Variants in LRBA observed in about 807,000 individuals in gnomAD.
LRBA encodes the protein lipopolysaccharide-responsive and beige-like anchor protein.
In LRBA, 176 loss-of-function variants were observed where a neutral mutation model predicts 330.0. That is an observed-to-expected ratio of 0.53 (90% CI 0.47 to 0.60). The LOEUF (loss-of-function observed/expected upper bound fraction) is 0.60, where lower values mean the gene tolerates loss of function less well. LRBA is among the 20% of genes least tolerant of loss of function. The probability of loss-of-function intolerance (pLI) is 0.00; values close to 1 mark genes in which losing one functional copy is unlikely to be tolerated. For missense variants in LRBA, 3,259 were observed against 3,444.8 expected (o/e 0.95, Z 1.35); for synonymous variants, 1,230 against 1,193.0 (o/e 1.03, Z -0.64).
At chr4:150,489,550 AATACATAATATATATT>A (rs1758581860) in intron 41 of LRBA, among the ~76,000 whole-genome samples, 1 of 103,436 alleles carries the variant, frequency 9.7e-6, no homozygotes, top group South Asian at 2.8e-4. Flanking sequence ...TATATATAAG[AATACATAATATATATT>A]ATATATAAGA....
At chr4:150,746,013 C>G (rs536677073) in intron 35 of LRBA, among the ~76,000 whole-genome samples, 1 of 152,176 alleles carries the variant, frequency 6.6e-6, no homozygotes, top group South Asian at 2.1e-4. Flanking sequence ...GTGAAAGCTC[C>G]CAGCCCCCTT....
chr4:150,277,673 T>A (rs949705691), intron 56 of LRBA, among the ~76,000 whole-genome samples, 180 bp downstream of exon 56: 1 of 151,908 alleles, frequency 6.6e-6, no homozygotes, highest in South Asian at 2.1e-4. Flanking sequence ...AAAAAAAATT[T>A]TTTTTTTCTG....
intron 51 of LRBA, among the ~76,000 whole-genome samples, chr4:150,312,506 A>G (rs1340694512): frequency 6.6e-6 from 1 of 151,978 alleles, no homozygotes; most frequent in Non-Finnish European, 1.5e-5. Context: ...TTCCACACAG[A>G]ATCTTACTAT....
intron 2 of LRBA, among the ~76,000 whole-genome samples, chr4:150,929,366 T>C (rs1447460383): frequency 6.6e-6 from 1 of 152,248 alleles, no homozygotes; most frequent in Non-Finnish European, 1.5e-5. Context: ...CTACAATTGC[T>C]TCTCATCCAG....
At chr4:150,708,714 T>C (rs965278688) in intron 36 of LRBA, among the ~76,000 whole-genome samples, 4 of 151,730 alleles carry the variant, frequency 2.6e-5, no homozygotes, top group Non-Finnish European at 4.4e-5. Context: ...AAATAAATAA[T>C]AGTTCATATG....
At chr4:150,818,013 A>G (rs1183482554) in intron 30 of LRBA, among the ~76,000 whole-genome samples, 1 of 152,204 alleles carries the variant, frequency 6.6e-6, no homozygotes, top group East Asian at 1.9e-4. Flanking sequence ...GCTTACTTTT[A>G]ATTACCTGGT....
At chr4:150,723,448 C>T (rs532698974) in intron 36 of LRBA, among the ~76,000 whole-genome samples, 6 of 152,280 alleles carry the variant, frequency 3.9e-5, no homozygotes, top group African/African-American at 1.4e-4. Flanking sequence ...CATTTCTAGA[C>T]ACAACCTGGA....
At chr4:150,953,737 C>T (rs1250271081) in intron 2 of LRBA, among the ~76,000 whole-genome samples, 1 of 151,970 alleles carries the variant, frequency 6.6e-6, no homozygotes, top group Non-Finnish European at 1.5e-5. Context: ...AGCCGCCTGC[C>T]TTGGCCTCCC....
chr4:150,321,116 GATATGCT>G lies in LRBA; in HGVS notation c.7630+68_7630+74del. ...TGAAAATTAAAAGCTTAAATGTTGA[GATATGCT>G]ATATTTAAGTGGGTATTACACAGTG... On this transcript the variant is annotated intron_variant, in intron 50 of 56. Coordinates refer to ENST00000651943, the MANE Select transcript of LRBA (RefSeq NM_001364905.1). The surrounding 1 kb of genome is among the most constrained non-coding windows in gnomAD (Gnocchi z 4.5). The G allele has an allele frequency of 8.0e-7, 1 of 1,254,278 alleles. No individual in the cohort carries two copies. Among genetic ancestry groups the G allele is most frequent in the Non-Finnish European group, 1.1e-6 (1 of 900,136 alleles). The allele number at this position is 1,254,278 out of a possible 1,614,324, so 77.7% of individuals were successfully genotyped here. A position where few individuals can be genotyped will look rare whatever the true frequency, so the allele number is the denominator to read the frequency against.
In LRBA at chr4:150,570,592, A is replaced by G. The variant is rs187277938; in HGVS notation, c.6330+17456T>C. ...TATATTTAAGATTACAAGATCTAGA[A>G]AGATCTTTTGAGTCATTCATTCTCT... is the stretch of plus-strand genomic sequence containing the variant. On this transcript the variant is annotated intron_variant, in intron 40 of 56. Transcript: ENST00000651943. Among the ~76,000 whole-genome samples, 9 of 152,216 alleles carry G rather than the reference A, an allele frequency of 5.9e-5. No homozygotes were observed. In the East Asian group the frequency reaches 1.7e-3, roughly 29 times the overall value.
intron 40 of LRBA, among the ~76,000 whole-genome samples, chr4:150,505,118 A>T (rs1267414054): frequency 6.6e-6 from 1 of 152,110 alleles, no homozygotes; most frequent in Non-Finnish European, 1.5e-5. Flanking sequence ...CTCCCACACA[A>T]CAATAATAAT....
At chr4:150,391,778 G>T (rs1201510385) in intron 47 of LRBA, among the ~76,000 whole-genome samples, 3 of 151,996 alleles carry the variant, frequency 2.0e-5, no homozygotes, top group Admixed American at 6.6e-5. Context: ...GGAAAAGATG[G>T]TCTCTCTTCT....
rs374405717 is a variant in LRBA, at chr4:150,415,541, T to G, written c.7091A>C (p.Asn2364Thr). ...YYLPEMFVNFNNYNLGVMDDG... is the reference protein window; with the variant it reads ...YYLPEMFVNFTNYNLGVMDDG... ...ATCCATCACTCCAAGATTATAATTA[T>G]TGAAGTTGACAAACATCTCAGGGAG... Residue 2364 changes from asparagine (N) to threonine (T), a missense_variant, in exon 47 of 57, where the codon AAT becomes ACT. Physicochemically the swap from Asn to Thr is moderately conservative, Grantham distance 65 (BLOSUM62 0). Coordinates refer to ENST00000651943, the MANE Select transcript of LRBA (RefSeq NM_001364905.1). 1.2e-6 allele frequency: 2 copies of G among 1,602,192 alleles called. No individual in the cohort carries two copies. Among genetic ancestry groups the G allele is most frequent in the Non-Finnish European group, 1.7e-6 (2 of 1,169,378 alleles).
At chr4:151,006,595 A>G (rs1255548384) in intron 2 of LRBA, among the ~76,000 whole-genome samples, 1 of 152,112 alleles carries the variant, frequency 6.6e-6, no homozygotes, top group African/African-American at 2.4e-5. Flanking sequence ...GTGTGTGAAA[A>G]GGGATGCTTT....
chr4:150,904,648 G>T (rs539448017), intron 13 of LRBA, among the ~76,000 whole-genome samples: 1 of 151,836 alleles, frequency 6.6e-6, no homozygotes, highest in South Asian at 2.1e-4. Context: ...TCTAGTAAAA[G>T]ATTTTAAAAG....
intron 2 of LRBA, among the ~76,000 whole-genome samples, chr4:150,961,762 T>A (rs1738173081): frequency 6.7e-6 from 1 of 149,310 alleles, no homozygotes; most frequent in South Asian, 2.1e-4. Context: ...TAGCAGTAGA[T>A]GAATGTCTGC....
intron 40 of LRBA, among the ~76,000 whole-genome samples, chr4:150,499,558 C>T (rs1029688065): frequency 6.6e-5 from 10 of 151,720 alleles, no homozygotes; most frequent in African/African-American, 2.4e-4. Flanking sequence ...GAGGACTGCT[C>T]GAGCCCAGAA....
At chr4:150,472,752 C>T (rs1756287338) in intron 42 of LRBA, among the ~76,000 whole-genome samples, 1 of 152,102 alleles carries the variant, frequency 6.6e-6, no homozygotes, top group African/African-American at 2.4e-5. Context: ...AGTATGTAGT[C>T]TTTTGTGTCA....
intron 36 of LRBA, among the ~76,000 whole-genome samples, chr4:150,708,329 G>T (rs773935634): frequency 3.3e-5 from 5 of 151,770 alleles, no homozygotes; most frequent in African/African-American, 4.8e-5. Context: ...CTTCTATCAA[G>T]GTTGCCTGTG....
Sources: gnomAD v4.1 joint callset for allele counts (sites outside exome capture counted in the v4.1 genomes callset) on GRCh38, gnomAD v4.1.1 for gene constraint, Gnocchi (gnomAD v3.1) non-coding constraint, MANE v1.5 for transcripts, NCBI Gene and HGNC (gene_info 2026-07-23, HGNC 2026-07-21) for gene names.